Variants in KCNE3 observed in about 807,000 individuals in gnomAD.
KCNE3 encodes potassium voltage-gated channel subfamily E member 3.
A neutral mutation model predicts 4.3 loss-of-function variants in KCNE3; 2 were observed. That is an observed-to-expected ratio of 0.47 (90% CI 0.19 to 1.48). KCNE3 has a LOEUF of 1.48. Among genes scored for constraint, KCNE3 ranks in the 40% most tolerant of loss-of-function variants. KCNE3 has a pLI of 0.25. For synonymous variants in KCNE3, 47 were observed against 52.0 expected, an observed-to-expected ratio of 0.90 and a Z score of 0.41; for missense variants, 128 against 136.8, an observed-to-expected ratio of 0.94 and a Z score of 0.32.
rs777468465 is a variant in KCNE3, at chr11:74,465,271, G to A, written c.-190+2127C>T. Among the ~76,000 whole-genome samples the A allele has an allele frequency of 2.6e-5, 4 of 152,200 alleles. No individual in the cohort carries two copies. In the South Asian group the frequency reaches 8.3e-4, roughly 32 times the overall value. Reference sequence around the variant, plus strand: ...ATGAATCAATGCCTCTTCTCTAAGAGCATTCCCCCGCTCTGGCACACGCAC... The same window carrying A: ...ATGAATCAATGCCTCTTCTCTAAGAACATTCCCCCGCTCTGGCACACGCAC... On this transcript the variant is annotated intron_variant, in intron 1 of 2. Coordinates refer to ENST00000310128, the MANE Select transcript of KCNE3 (RefSeq NM_005472.5).
rs1158718864 is a variant in KCNE3 at position 74,467,095 on chromosome 11, A to G, written c.-190+303T>C. 6.6e-6 allele frequency among the ~76,000 whole-genome samples: 1 copy of G among 152,056 alleles called. No homozygotes were observed. Among genetic ancestry groups the G allele is most frequent in the Non-Finnish European group, 1.5e-5 (1 of 68,014 alleles). ...GCTTGCACGTCTGTGGGTGTGGAGG[A>G]ACTTTTCTTGTGGCCGTCTTGAGGG... On this transcript the variant is annotated intron_variant, in intron 1 of 2. Coordinates refer to ENST00000310128, the MANE Select transcript of KCNE3 (RefSeq NM_005472.5). This position sits in a 1 kb window ranked among gnomAD's most constrained non-coding sequence, Gnocchi z 4.4.
chr11:74,460,975 C>T (rs1390940575), intron 2 of KCNE3, among the ~76,000 whole-genome samples: 4 of 151,948 alleles, frequency 2.6e-5, no homozygotes, highest in Admixed American at 6.6e-5. Context: ...TAGAGACAGT[C>T]GTAAGACCTG....
chr11:74,465,134 GTGTGTA>G (rs894295743), intron 1 of KCNE3, among the ~76,000 whole-genome samples: 2 of 151,896 alleles, frequency 1.3e-5, no homozygotes, highest in African/African-American at 4.8e-5. Flanking sequence ...GTATGTGTGT[GTGTGTA>G]TGTGTATGTG....
At chr11:74,463,852 C>T (rs945711921) in intron 1 of KCNE3, among the ~76,000 whole-genome samples, 1 of 152,172 alleles carries the variant, frequency 6.6e-6, no homozygotes, top group Admixed American at 6.5e-5. Flanking sequence ...TTTCCTCACA[C>T]CTAAGCTTCA....
chr11:74,458,994 T>C (rs1258081438), intron 2 of KCNE3, among the ~76,000 whole-genome samples: 1 of 152,086 alleles, frequency 6.6e-6, no homozygotes, highest in Non-Finnish European at 1.5e-5. Context: ...GAAATTCTGT[T>C]GGAAAGAGGT....
chr11:74,465,126 A>ATG (rs1032848792), intron 1 of KCNE3, among the ~76,000 whole-genome samples: 19 of 79,092 alleles, frequency 2.4e-4, no homozygotes, highest in South Asian at 4.6e-4. Context: ...GTGTGTGTGT[A>ATG]TGTGTGTGTG....
Position 74,457,056 on chromosome 11 carries a change from G to GA in KCNE3, c.*195dup. 1.6e-6 allele frequency: 1 copy of GA among 617,690 alleles called. No homozygotes were observed. The highest frequency in any genetic ancestry group is 2.9e-6 in the Non-Finnish European group (1 of 348,356). The allele number at this position is 617,690 out of a possible 1,614,324, so 38.3% of individuals were successfully genotyped here. Reference sequence around the variant, plus strand: ...GTTTATAAAGTCTATCTTTTCCTGGGAAAAAATCCTTATGCACAAGGCTTC... The same window carrying GA: ...GTTTATAAAGTCTATCTTTTCCTGGGAAAAAAATCCTTATGCACAAGGCTTC... On this transcript the variant is annotated 3_prime_UTR_variant, in exon 3 of 3. Coordinates refer to ENST00000310128, the MANE Select transcript of KCNE3 (RefSeq NM_005472.5).
chr11:74,465,254 A>G (rs1864036974), intron 1 of KCNE3, among the ~76,000 whole-genome samples: 1 of 152,132 alleles, frequency 6.6e-6, no homozygotes, highest in Non-Finnish European at 1.5e-5. Context: ...AAATGAATCA[A>G]TGCCTCTTCT....
intron 2 of KCNE3, among the ~76,000 whole-genome samples, chr11:74,459,435 TG>T (rs1419288856): frequency 7.9e-5 from 12 of 151,942 alleles, no homozygotes; most frequent in Admixed American, 2.6e-4. Context: ...CTAATTTTTT[TG>T]TATTTTTAGT....
In KCNE3 at chr11:74,459,259, A is replaced by ATTTT. The variant is rs35194568; in HGVS notation, c.-40-1660_-40-1657dup. Among the ~76,000 whole-genome samples, 134 of 117,566 alleles carry ATTTT rather than the reference A, an allele frequency of 1.1e-3. 1 individual carries two copies. Among genetic ancestry groups the ATTTT allele is most frequent in the Non-Finnish European group, 1.5e-3 (91 of 60,048 alleles). 77.1% of individuals were successfully genotyped at this position (117,566 alleles called of 152,430 possible). A position where few individuals can be genotyped will look rare whatever the true frequency, so the allele number is the denominator to read the frequency against. ...ATCCTTAGTCTATAATATAGAAAAC[A>ATTTT]TTTTTTTTTTTTTTTTTTTTGAGAC... On this transcript the variant is annotated intron_variant, in intron 2 of 2. Transcript: ENST00000310128.
rs369030337 is a variant in KCNE3 at position 74,460,637 on chromosome 11, G to C, written c.-41+1318C>G. ...TAAATGTTTAGAAGAATGGAAAGTA[G>C]CATAAAGAGGTTGGAGTGTAAGATG... On this transcript the variant is annotated intron_variant, in intron 2 of 2. Coordinates refer to ENST00000310128, the MANE Select transcript of KCNE3 (RefSeq NM_005472.5). Among the ~76,000 whole-genome samples the C allele has an allele frequency of 2.3e-4, 35 of 152,336 alleles. 1 individual carries two copies. The East Asian group carries it at 6.5e-3, about 29-fold the overall frequency.
At chr11:74,459,365 C>A (rs1395503812) in intron 2 of KCNE3, among the ~76,000 whole-genome samples, 1 of 151,274 alleles carries the variant, frequency 6.6e-6, no homozygotes, top group Non-Finnish European at 1.5e-5. Context: ...GGGTTCACGC[C>A]ATTCTCCTGC....
chr11:74,457,256 A>G lies in KCNE3; in HGVS notation c.308T>C (p.Ile103Thr), dbSNP rs1863838638. The G allele has an allele frequency of 1.2e-6, 2 of 1,613,748 alleles. No homozygotes were observed. The highest frequency in any genetic ancestry group is 4.5e-5 in the East Asian group (2 of 44,868). The change falls in exon 3 of 3, where the codon ATC becomes ACC. Residue 103 changes from isoleucine (I) to threonine (T), a missense_variant. Transcript: ENST00000310128. The part of the protein sequence containing the change: ...HVYIKNRVSM[I>T] The stretch of plus-strand genomic sequence containing the variant: ...CACCGTCCCAGCCCTCTCGTGTTAG[A>G]TCATAGACACACGGTTCTTGATATA...
At chr11:74,458,088 A>G (rs1401641566) in intron 2 of KCNE3, among the ~76,000 whole-genome samples, 2 of 152,182 alleles carry the variant, frequency 1.3e-5, no homozygotes, top group Admixed American at 1.3e-4. Flanking sequence ...CTGCTTGATT[A>G]CATGTTTGTC....
chr11:74,457,579 G>A lies in KCNE3; in HGVS notation c.-16C>T. ...TAGTCTCCATAGCAACAGGGATTGA[G>A]GTGGGGGAAGACTCGGTAGAAGCTC... is the stretch of plus-strand genomic sequence containing the variant. On this transcript the variant is annotated 5_prime_UTR_variant, in exon 3 of 3. Coordinates refer to ENST00000310128, the MANE Select transcript of KCNE3 (RefSeq NM_005472.5). The A allele has an allele frequency of 6.2e-7, 1 of 1,612,836 alleles. No homozygotes were observed. Among genetic ancestry groups the A allele is most frequent in the Non-Finnish European group, 8.5e-7 (1 of 1,178,846 alleles).
chr11:74,461,741 CT>C (rs939006455), intron 2 of KCNE3, among the ~76,000 whole-genome samples: 4 of 150,002 alleles, frequency 2.7e-5, no homozygotes, highest in Non-Finnish European at 4.4e-5. Flanking sequence ...GGATTAAAAA[CT>C]TTTTTTTTAT....
At position 74,457,305 on chromosome 11, in the gene KCNE3, T is replaced by A; in HGVS notation, c.259A>T (p.Lys87Ter). The part of the protein sequence containing the change: ...LGYTRSRKVD[K>*]RSDPYHVYIK... ...TACACATGATAGGGGTCACTACGCT[T>A]GTCCACTTTGCGGGAGCGGGTGTAT... Residue 87 changes from lysine to a stop codon, truncating the protein, a stop_gained, in exon 3 of 3, where the codon AAG becomes TAG. Coordinates refer to ENST00000310128, the MANE Select transcript of KCNE3 (RefSeq NM_005472.5). LOFTEE classifies it high-confidence loss of function. 6.2e-7 allele frequency: 1 copy of A among 1,614,208 alleles called. No individual in the cohort carries two copies. The highest frequency in any genetic ancestry group is 8.5e-7 in the Non-Finnish European group (1 of 1,180,038).
chr11:74,458,269 T>A (rs644123), intron 2 of KCNE3, among the ~76,000 whole-genome samples: 150,558 of 152,342 alleles, frequency 0.99, 74,428 homozygotes, highest in East Asian at 1. Context: ...CTTTCTTTGG[T>A]TTCTATAAAT....
In KCNE3 at chr11:74,457,574, A is replaced by G. The variant is rs377606406; in HGVS notation, c.-11T>C. 2.5e-5 allele frequency: 41 copies of G among 1,613,454 alleles called. No individual in the cohort carries two copies. Among genetic ancestry groups the G allele is most frequent in the Non-Finnish European group, 3.3e-5 (39 of 1,179,610 alleles). On this transcript the variant is annotated 5_prime_UTR_variant, in exon 3 of 3. Transcript: ENST00000310128. ...ATTGGTAGTCTCCATAGCAACAGGG[A>G]TTGAGGTGGGGGAAGACTCGGTAGA...
Sources: allele counts gnomAD v4.1 joint callset (sites outside exome capture counted in the v4.1 genomes callset), GRCh38; gene constraint gnomAD v4.1.1; non-coding constraint Gnocchi (gnomAD v3.1); transcripts MANE v1.5; gene names NCBI Gene and HGNC (gene_info 2026-07-23, HGNC 2026-07-21).